PRELID2: variants seen among roughly 807,000 people sequenced by gnomAD.
The protein encoded by PRELID2 is PRELI domain containing 2.
In PRELID2, 25 loss-of-function variants were observed where a neutral mutation model predicts 28.4. The ratio of observed to expected loss-of-function variants is 0.88; its 90% CI spans 0.64 to 1.23. PRELID2 has a LOEUF of 1.23. PRELID2 is among the 50% of genes most tolerant of loss of function. The probability of loss-of-function intolerance (pLI) is 0.00; values close to 1 mark genes in which losing one functional copy is unlikely to be tolerated. For synonymous variants in PRELID2, 76 were observed against 71.6 expected (o/e 1.06, Z -0.31); for missense variants, 201 against 214.4 (o/e 0.94, Z 0.39).
chr5:145,407,617 T>C, the PRELID2 span, among the ~76,000 whole-genome samples: 1 of 152,174 alleles, frequency 6.6e-6, no homozygotes, highest in African/African-American at 2.4e-5. Flanking sequence ...TTGACGAATA[T>C]AGGGCAAACC....
At chr5:145,719,042 C>G (rs1755916643) in intron 1 of PRELID2, among the ~76,000 whole-genome samples, 2 of 151,948 alleles carry the variant, frequency 1.3e-5, no homozygotes, top group Non-Finnish European at 2.9e-5. Context: ...ATAATGATGG[C>G]CATCTAAATC....
chr5:145,745,365 A>T (rs1449491628), intron 1 of PRELID2, among the ~76,000 whole-genome samples: 1 of 152,178 alleles, frequency 6.6e-6, no homozygotes, highest in East Asian at 1.9e-4. Flanking sequence ...AGAGAACACC[A>T]CTAAGATATT....
chr5:145,490,572 A>G (rs549931410), intron 1 of PRELID2, among the ~76,000 whole-genome samples: 2 of 152,300 alleles, frequency 1.3e-5, no homozygotes, highest in East Asian at 3.9e-4. Flanking sequence ...AAGGCAGTTG[A>G]AAAAATGTGT....
the PRELID2 span, among the ~76,000 whole-genome samples, chr5:145,259,262 A>C: frequency 1.1e-4 from 17 of 152,324 alleles, no homozygotes; most frequent in East Asian, 2.1e-3. Context: ...CCCTACACAG[A>C]GTTCCCACTG....
chr5:145,229,549 C>T, the PRELID2 span: 1 of 1,475,498 alleles, frequency 6.8e-7, no homozygotes, highest in Non-Finnish European at 9.3e-7. Context: ...GCACCACCCA[C>T]CAGACCTCCT....
chr5:145,282,123 A>G, the PRELID2 span, among the ~76,000 whole-genome samples: 1 of 152,176 alleles, frequency 6.6e-6, no homozygotes, highest in Admixed American at 6.5e-5. Context: ...TGTTTAGTAT[A>G]TTGTCTGCTT....
intron 1 of PRELID2, among the ~76,000 whole-genome samples, chr5:145,676,751 T>C (rs1754826020): frequency 6.6e-6 from 1 of 152,184 alleles, no homozygotes. Flanking sequence ...AATCCAATCT[T>C]AATCTGAGTA....
At chr5:145,351,234 C>T in the PRELID2 span, among the ~76,000 whole-genome samples, 1 of 152,084 alleles carries the variant, frequency 6.6e-6, no homozygotes, top group Non-Finnish European at 1.5e-5. Context: ...TCTCACACTG[C>T]TATGAAGAAA....
chr5:145,674,354 C>T (rs530808509), intron 1 of PRELID2, among the ~76,000 whole-genome samples: 268 of 151,568 alleles, frequency 1.8e-3, no homozygotes, highest in African/African-American at 5.1e-3. Flanking sequence ...TGTTCCCCAC[C>T]GTGTGTCCAA....
chr5:145,675,636 G>A (rs958699243), intron 1 of PRELID2, among the ~76,000 whole-genome samples: 26 of 151,676 alleles, frequency 1.7e-4, no homozygotes, highest in Non-Finnish European at 1.5e-5. Flanking sequence ...ATAGAGAACT[G>A]GTTTAGTGGT....
chr5:145,491,243 T>C (rs1218943987), intron 1 of PRELID2, among the ~76,000 whole-genome samples: 1 of 152,166 alleles, frequency 6.6e-6, no homozygotes, highest in Non-Finnish European at 1.5e-5. Context: ...ACAGATTTGG[T>C]GCCTGGTAAG....
At chr5:145,380,210 T>G in the PRELID2 span, among the ~76,000 whole-genome samples, 2 of 152,166 alleles carry the variant, frequency 1.3e-5, no homozygotes, top group Non-Finnish European at 2.9e-5. Flanking sequence ...AGTGGGTTGC[T>G]CCTTGCCAGT....
At chr5:145,697,068 T>TAA (rs1755291444) in intron 1 of PRELID2, among the ~76,000 whole-genome samples, 1 of 121,444 alleles carries the variant, frequency 8.2e-6, no homozygotes, top group African/African-American at 4.1e-5. Flanking sequence ...TATATATATA[T>TAA]ATATATATAT....
intron 1 of PRELID2, among the ~76,000 whole-genome samples, chr5:145,529,560 G>A (rs952712365): frequency 1.3e-5 from 2 of 152,150 alleles, no homozygotes; most frequent in Non-Finnish European, 2.9e-5. Flanking sequence ...TGTCCTCAGA[G>A]AATGACAATT....
At chr5:145,465,633 A>G in the PRELID2 span, among the ~76,000 whole-genome samples, 2 of 152,126 alleles carry the variant, frequency 1.3e-5, no homozygotes, top group African/African-American at 4.8e-5. Context: ...AACCGTCCTA[A>G]TCGTGACTAC....
intron 1 of PRELID2, among the ~76,000 whole-genome samples, chr5:145,747,057 C>T (rs1426509250): frequency 6.6e-6 from 1 of 152,084 alleles, no homozygotes; most frequent in African/African-American, 2.4e-5. Flanking sequence ...ATTTATAGCA[C>T]TAAATGCCCA....
chr5:145,342,447 T>C, the PRELID2 span, among the ~76,000 whole-genome samples: 2 of 152,138 alleles, frequency 1.3e-5, no homozygotes, highest in South Asian at 4.1e-4. Flanking sequence ...AAACAACCAG[T>C]AAACAATTAA....
the PRELID2 span, among the ~76,000 whole-genome samples, chr5:145,309,832 T>C: frequency 6.6e-6 from 1 of 152,164 alleles, no homozygotes; most frequent in Non-Finnish European, 1.5e-5. Flanking sequence ...ACCTTAACCA[T>C]GAAGTTATTC....
chr5:145,304,712 G>T, the PRELID2 span, among the ~76,000 whole-genome samples: 2 of 151,906 alleles, frequency 1.3e-5, no homozygotes, highest in South Asian at 2.1e-4. Context: ...TCAATGCTGA[G>T]ATTTAGGCCT....
Sources: gnomAD v4.1 joint callset for allele counts (sites outside exome capture counted in the v4.1 genomes callset) on GRCh38, gnomAD v4.1.1 for gene constraint, MANE v1.5 for transcripts, NCBI Gene and HGNC (gene_info 2026-07-23, HGNC 2026-07-21) for gene names.